ATP9B: variants seen among roughly 807,000 people sequenced by gnomAD.
The protein encoded by ATP9B is probable phospholipid-transporting ATPase IIB.
In ATP9B, 110 loss-of-function variants were observed where a neutral mutation model predicts 146.1. That is an observed-to-expected ratio of 0.75 (90% CI 0.65 to 0.88). The LOEUF (loss-of-function observed/expected upper bound fraction) is 0.88, where lower values mean the gene tolerates loss of function less well. ATP9B is among the 40% of genes least tolerant of loss of function. The probability of loss-of-function intolerance (pLI) is 0.00; values close to 1 mark genes in which losing one functional copy is unlikely to be tolerated. For synonymous variants in ATP9B, 604 were observed against 569.7 expected, an observed-to-expected ratio of 1.06 and a Z score of -0.86; for missense variants, 1,499 against 1,496.4, an observed-to-expected ratio of 1.00 and a Z score of -0.03.
Position 79,288,448 on chromosome 18 carries a change from T to G in ATP9B, c.1411+11252T>G, listed in dbSNP as rs1599641713. On this transcript the variant is annotated intron_variant, in intron 13 of 29. Coordinates refer to ENST00000426216, the MANE Select transcript of ATP9B (RefSeq NM_198531.5). ...CTGGGATTGCAACCCCTGCCTTTTT[T>G]TTGTTTTCCATTTGCTTGGTAGATC... Among the ~76,000 whole-genome samples, 6 of 152,322 alleles carry G rather than the reference T, an allele frequency of 3.9e-5. 1 individual carries two copies. In the South Asian group the frequency reaches 1.2e-3, roughly 32 times the overall value.
intron 11 of ATP9B, among the ~76,000 whole-genome samples, chr18:79,228,927 C>T (rs960774026): frequency 1.3e-5 from 2 of 152,004 alleles, no homozygotes; most frequent in African/African-American, 2.4e-5. Context: ...CTGGGAGACT[C>T]AGGTGGGAGG....
chr18:79,193,159 C>T (rs750986600), intron 8 of ATP9B, 24 bp from the exon 9 acceptor site: 20 of 1,515,726 alleles, frequency 1.3e-5, no homozygotes, highest in Admixed American at 8.6e-5. Context: ...ACATTCTAAT[C>T]GATTCAAATG....
intron 26 of ATP9B, among the ~76,000 whole-genome samples, chr18:79,370,599 A>G (rs1226490014): frequency 6.6e-6 from 1 of 152,200 alleles, no homozygotes; most frequent in African/African-American, 2.4e-5. Flanking sequence ...ACAGTCTGGG[A>G]GCCATTAATA....
intron 6 of ATP9B, among the ~76,000 whole-genome samples, chr18:79,148,608 G>T (rs1224382527): frequency 6.6e-6 from 1 of 152,156 alleles, no homozygotes; most frequent in Non-Finnish European, 1.5e-5. Context: ...TGTTTAAAAA[G>T]AATCTATAAA....
At chr18:79,342,135 T>G in intron 19 of ATP9B, 133 bp from the exon 20 acceptor site, 1 of 668,138 alleles carries the variant, frequency 1.5e-6, no homozygotes. Flanking sequence ...ATGGAACACA[T>G]TTTGCTCATT....
chr18:79,161,432 T>C (rs1600060755), intron 7 of ATP9B, among the ~76,000 whole-genome samples: 1 of 152,230 alleles, frequency 6.6e-6, no homozygotes, highest in East Asian at 1.9e-4. Context: ...TGGAGGATTA[T>C]TGATGGGTTC....
At chr18:79,135,601 A>T (rs927001364) in intron 5 of ATP9B, among the ~76,000 whole-genome samples, 1 of 152,084 alleles carries the variant, frequency 6.6e-6, no homozygotes, top group Middle Eastern at 3.2e-3. Context: ...CAGTTTATTG[A>T]CTTTGCATCC....
intron 9 of ATP9B, among the ~76,000 whole-genome samples, chr18:79,198,128 G>T (rs1481608953): frequency 6.6e-6 from 1 of 151,826 alleles, no homozygotes; most frequent in Non-Finnish European, 1.5e-5. Context: ...TTACAATATG[G>T]AATTAGAAAT....
At chr18:79,118,287 A>AT (rs1175235075) in intron 4 of ATP9B, among the ~76,000 whole-genome samples, 2 of 147,616 alleles carry the variant, frequency 1.4e-5, no homozygotes, top group African/African-American at 5.0e-5. Context: ...ACTGCTGTTG[A>AT]TTTTTTTCAT....
intron 4 of ATP9B, among the ~76,000 whole-genome samples, chr18:79,114,837 G>C (rs1293872675): frequency 6.6e-6 from 1 of 151,996 alleles, no homozygotes; most frequent in Non-Finnish European, 1.5e-5. Flanking sequence ...CCTTTTTGGA[G>C]GGTCATTGGT....
rs375691643 is a variant in ATP9B, at chr18:79,106,113, C to T, written c.294-4242C>T. Reference sequence around the variant, plus strand: ...TAAAACATTTTAAGAAAAAGTATAACTTGTACACTGCTGGATATAGTTTCA... The same window carrying T: ...TAAAACATTTTAAGAAAAAGTATAATTTGTACACTGCTGGATATAGTTTCA... On this transcript the variant is annotated intron_variant, in intron 2 of 29. Transcript: ENST00000426216. Among the ~76,000 whole-genome samples the T allele has an allele frequency of 2.4e-4, 36 of 152,256 alleles. 3 individuals are homozygous for T. Among genetic ancestry groups the T allele is most frequent in the Admixed American group, 1.1e-3 (17 of 15,286 alleles).
chr18:79,352,248 C>T (rs931645401), intron 25 of ATP9B, among the ~76,000 whole-genome samples: 1 of 152,194 alleles, frequency 6.6e-6, no homozygotes, highest in African/African-American at 2.4e-5. Context: ...CCTGTGAGTG[C>T]TCTCGTTAAA....
At chr18:79,314,228 C>T (rs2096667727) in intron 15 of ATP9B, among the ~76,000 whole-genome samples, 1 of 152,204 alleles carries the variant, frequency 6.6e-6, no homozygotes, top group African/African-American at 2.4e-5. Flanking sequence ...TGCACCCATA[C>T]CATCCTCTTA....
intron 13 of ATP9B, among the ~76,000 whole-genome samples, chr18:79,290,748 G>T (rs1372231770): frequency 6.6e-6 from 1 of 152,210 alleles, no homozygotes; most frequent in Non-Finnish European, 1.5e-5. Context: ...TTCCTATTCG[G>T]CTGTCTTGGC....
At chr18:79,328,071 C>CGTGGTTAGCGTGCTCTCT (rs1568703032) in intron 15 of ATP9B, among the ~76,000 whole-genome samples, 12 of 135,654 alleles carry the variant, frequency 8.8e-5, no homozygotes, top group Admixed American at 5.2e-4. Context: ...GCGTGCTCTC[C>CGTGGTTAGCGTGCTCTCT]GTGGTTAGCG....
chr18:79,236,132 A>G (rs1568463603), intron 11 of ATP9B, among the ~76,000 whole-genome samples: 1 of 152,214 alleles, frequency 6.6e-6, no homozygotes, highest in Non-Finnish European at 1.5e-5. Context: ...AAGTTTCTCT[A>G]TAATCTTGTC....
chr18:79,252,383 T>C (rs1433574378), intron 11 of ATP9B, among the ~76,000 whole-genome samples: 1 of 152,232 alleles, frequency 6.6e-6, no homozygotes, highest in Non-Finnish European at 1.5e-5. Flanking sequence ...TCCTAGTTGC[T>C]GTGCTGTGTC....
At chr18:79,292,813 A>G (rs540849224) in intron 13 of ATP9B, among the ~76,000 whole-genome samples, 223 of 152,102 alleles carry the variant, frequency 1.5e-3, no homozygotes, top group Non-Finnish European at 2.8e-3. Flanking sequence ...GCTGGAGTGC[A>G]GTGGCACAAT....
chr18:79,188,033 C>G (rs1018385226), intron 8 of ATP9B, among the ~76,000 whole-genome samples: 1 of 151,854 alleles, frequency 6.6e-6, no homozygotes, highest in African/African-American at 2.4e-5. Flanking sequence ...ATGAGGACGC[C>G]CTTTAGCTGT....
Sources: gnomAD v4.1 joint callset for allele counts (sites outside exome capture counted in the v4.1 genomes callset) on GRCh38, gnomAD v4.1.1 for gene constraint, MANE v1.5 for transcripts, NCBI Gene and HGNC (gene_info 2026-07-23, HGNC 2026-07-21) for gene names.